Variants in PCDH9 observed in about 807,000 individuals in gnomAD.
PCDH9 encodes the protein protocadherin 9, also known as protocadherin-9.
A neutral mutation model predicts 70.6 loss-of-function variants in PCDH9; 24 were observed. That is an observed-to-expected ratio of 0.34 (90% confidence interval 0.25 to 0.48). PCDH9 has a LOEUF of 0.48. Ranked by LOEUF, PCDH9 falls within the 20% of genes least tolerant of loss-of-function variation. The probability of loss-of-function intolerance (pLI) is 0.99; values close to 1 mark genes in which losing one functional copy is unlikely to be tolerated. For synonymous variants in PCDH9, 562 were observed against 558.5 expected (o/e 1.01, Z -0.09); for missense variants, 1,281 against 1,503.6 (o/e 0.85, Z 2.45).
chr13:66,579,006 T>C (rs12323130), intron 4 of PCDH9, among the ~76,000 whole-genome samples: 10,812 of 152,124 alleles, frequency 0.071, 549 homozygotes, highest in Non-Finnish European at 0.11. Flanking sequence ...TGTGGGCCTT[T>C]GTTTTGTTGC....
intron 2 of PCDH9, among the ~76,000 whole-genome samples, chr13:67,022,111 T>G (rs2084687797): frequency 2.6e-4 from 1 of 3,818 alleles, no homozygotes; most frequent in African/African-American, 5.0e-4. Context: ...ATGTTCTTTT[T>G]TTTTTTTTTT....
At position 66,918,800 on chromosome 13, in the gene PCDH9, T is replaced by C. The variant is rs2082596514; in HGVS notation, c.3037-15195A>G. Among the ~76,000 whole-genome samples, 3 of 151,348 alleles carry C rather than the reference T, an allele frequency of 2.0e-5. No individual in the cohort carries two copies. The Admixed American group carries it at 2.0e-4, about 10-fold the overall frequency. On this transcript the variant is annotated intron_variant, in intron 2 of 4. Transcript: ENST00000377865. ...GATTTATGATGATATTTTTTGATCATGGCAAAATAAATTTACTTATAATTA... is the reference window on the plus strand; with the variant it reads ...GATTTATGATGATATTTTTTGATCACGGCAAAATAAATTTACTTATAATTA...
intron 4 of PCDH9, among the ~76,000 whole-genome samples, chr13:66,426,269 G>A (rs533118217): frequency 2.6e-5 from 4 of 151,436 alleles, no homozygotes; most frequent in African/African-American, 9.7e-5. Flanking sequence ...CTAATGAATG[G>A]TAGTACAACC....
chr13:67,100,229 C>T (rs1255736721), intron 2 of PCDH9, among the ~76,000 whole-genome samples: 3 of 151,946 alleles, frequency 2.0e-5, no homozygotes, highest in Admixed American at 6.6e-5. Context: ...TTAAAATTCT[C>T]ATTATATTAT....
chr13:66,650,291 C>A (rs2077832354), intron 3 of PCDH9, among the ~76,000 whole-genome samples: 1 of 151,776 alleles, frequency 6.6e-6, no homozygotes, highest in African/African-American at 2.4e-5. Flanking sequence ...TAGGAAAAGT[C>A]ATTCTATGCA....
chr13:66,995,760 A>G (rs1198616933), intron 2 of PCDH9, among the ~76,000 whole-genome samples: 3 of 152,184 alleles, frequency 2.0e-5, no homozygotes, highest in Admixed American at 2.0e-4. Context: ...AAAATTATGT[A>G]TATCAAATAT....
rs77971731 is a variant in PCDH9, at chr13:66,633,494, T to C, written c.3139-2083A>G. Among the ~76,000 whole-genome samples the C allele has an allele frequency of 4.2e-3, 636 of 152,268 alleles. 20 individuals are homozygous for C. In the East Asian group the frequency reaches 0.08, roughly 19 times the overall value. On this transcript the variant is annotated intron_variant, in intron 3 of 4. Transcript: ENST00000377865. ...TAGCCATTTATGTTTCAATATGCCC[T>C]CAATCTATCAATATCCTTTTGTGAT... is the stretch of plus-strand genomic sequence containing the variant.
chr13:66,451,191 A>C (rs1056336983), intron 4 of PCDH9, among the ~76,000 whole-genome samples: 1 of 152,214 alleles, frequency 6.6e-6, no homozygotes, highest in Non-Finnish European at 1.5e-5. Context: ...CACTCAAAAA[A>C]CTATATTTCC....
intron 4 of PCDH9, among the ~76,000 whole-genome samples, chr13:66,506,201 C>T (rs988689442): frequency 1.3e-5 from 2 of 152,096 alleles, no homozygotes; most frequent in Non-Finnish European, 2.9e-5. Flanking sequence ...ATAAATAATG[C>T]CTAGAAGTAG....
At chr13:66,874,111 T>C (rs1311655429) in intron 3 of PCDH9, among the ~76,000 whole-genome samples, 1 of 151,990 alleles carries the variant, frequency 6.6e-6, no homozygotes, top group Non-Finnish European at 1.5e-5. Context: ...CAGCTGATTT[T>C]TGTATTTTTA....
chr13:67,171,422 G>A (rs2088281838), intron 2 of PCDH9, among the ~76,000 whole-genome samples: 1 of 152,052 alleles, frequency 6.6e-6, no homozygotes. Flanking sequence ...CTCACTCTCT[G>A]GGAAGATCAC....
At chr13:66,972,498 G>T (rs956484620) in intron 2 of PCDH9, among the ~76,000 whole-genome samples, 2 of 151,928 alleles carry the variant, frequency 1.3e-5, no homozygotes, top group Non-Finnish European at 2.9e-5. Flanking sequence ...CTTAAGTCAT[G>T]CAAATTATGT....
intron 3 of PCDH9, among the ~76,000 whole-genome samples, chr13:66,889,256 C>G (rs915733606): frequency 6.6e-6 from 1 of 152,176 alleles, no homozygotes; most frequent in African/African-American, 2.4e-5. Context: ...CAAAGCCACA[C>G]GAAGCAGTTA....
chr13:66,595,250 C>T (rs772935033), intron 4 of PCDH9, among the ~76,000 whole-genome samples: 2 of 151,564 alleles, frequency 1.3e-5, no homozygotes, highest in African/African-American at 4.8e-5. Flanking sequence ...TTGTGGGAAC[C>T]TTGCTCCAAT....
rs576042408 is a variant in PCDH9, at chr13:66,592,029, C to T, written c.3340+39181G>A. Among the ~76,000 whole-genome samples the T allele has an allele frequency of 6.6e-5, 10 of 151,720 alleles. No homozygotes were observed. In the South Asian group the frequency reaches 2.1e-3, roughly 32 times the overall value. ...CAACTATTTAATGAATTCTACATCA[C>T]CCAGAGAGACTTTCAGGGGGTATAA... On this transcript the variant is annotated intron_variant, in intron 4 of 4. Transcript: ENST00000377865.
intron 2 of PCDH9, among the ~76,000 whole-genome samples, chr13:67,073,845 A>T (rs927351556): frequency 1.3e-5 from 2 of 152,118 alleles, no homozygotes; most frequent in Admixed American, 6.6e-5. Context: ...AACATAAAAA[A>T]TACTTTTATT....
chr13:66,957,737 A>G (rs1435801088), intron 2 of PCDH9, among the ~76,000 whole-genome samples: 1 of 152,094 alleles, frequency 6.6e-6, no homozygotes, highest in Non-Finnish European at 1.5e-5. Flanking sequence ...GAGACACACT[A>G]AGAAGGCAAG....
At chr13:66,684,100 T>A (rs2078366051) in intron 3 of PCDH9, among the ~76,000 whole-genome samples, 1 of 152,202 alleles carries the variant, frequency 6.6e-6, no homozygotes, top group Non-Finnish European at 1.5e-5. Context: ...TATGATACAT[T>A]TTTTAAAAAT....
intron 4 of PCDH9, among the ~76,000 whole-genome samples, chr13:66,425,217 A>G (rs1306433346): frequency 6.6e-6 from 1 of 151,746 alleles, no homozygotes; most frequent in Non-Finnish European, 1.5e-5. Context: ...CTCTCTCTCT[A>G]CCTAAAAACT....
Sources: allele counts gnomAD v4.1 joint callset (sites outside exome capture counted in the v4.1 genomes callset), GRCh38; gene constraint gnomAD v4.1.1; transcripts MANE v1.5; gene names NCBI Gene and HGNC (gene_info 2026-07-23, HGNC 2026-07-21).